ARSJ: variants seen among roughly 807,000 people sequenced by gnomAD.
The protein encoded by ARSJ is arylsulfatase family member J.
A neutral mutation model predicts 35.9 loss-of-function variants in ARSJ; 26 were observed. The observed-to-expected ratio is 0.72, with a 90% confidence interval of 0.53 to 1.00. The LOEUF is 1.00. Ranked by LOEUF, ARSJ falls within the 50% of genes least tolerant of loss-of-function variation. The probability of loss-of-function intolerance (pLI) is 0.00; values close to 1 mark genes in which losing one functional copy is unlikely to be tolerated. For synonymous variants in ARSJ, 294 were observed against 267.6 expected, an observed-to-expected ratio of 1.10 and a Z score of -0.96; for missense variants, 667 against 723.6, an observed-to-expected ratio of 0.92 and a Z score of 0.90.
chr4:113,965,663 T>G (rs1057209979), intron 1 of ARSJ, among the ~76,000 whole-genome samples: 1 of 152,142 alleles, frequency 6.6e-6, no homozygotes, highest in African/African-American at 2.4e-5. Context: ...GGTATATTTC[T>G]TAGCACATAC....
chr4:113,974,452 A>G (rs1178872327), intron 1 of ARSJ, among the ~76,000 whole-genome samples: 1 of 152,130 alleles, frequency 6.6e-6, no homozygotes, highest in East Asian at 1.9e-4. Context: ...GGAATAGAAT[A>G]TATAACTACC....
At chr4:113,953,090 C>G (rs772240441) in intron 1 of ARSJ, among the ~76,000 whole-genome samples, 9 of 151,960 alleles carry the variant, frequency 5.9e-5, no homozygotes, top group Non-Finnish European at 1.3e-4. Context: ...AAAAAGGAAA[C>G]TGAAGAACAG....
chr4:113,910,648 A>C (rs1179701638), intron 1 of ARSJ, among the ~76,000 whole-genome samples: 1 of 152,084 alleles, frequency 6.6e-6, no homozygotes. Flanking sequence ...TTTATCTTTC[A>C]GTTAATTATA....
At chr4:113,950,550 A>C (rs1276694209) in intron 1 of ARSJ, among the ~76,000 whole-genome samples, 2 of 152,030 alleles carry the variant, frequency 1.3e-5, no homozygotes, top group East Asian at 3.9e-4. Flanking sequence ...AGAGAGAAAG[A>C]GGGAAAAAGG....
chr4:113,902,753 A>T lies in ARSJ; in HGVS notation c.1321T>A (p.Trp441Arg). 2 of 1,614,200 alleles carry T rather than the reference A, an allele frequency of 1.2e-6. No homozygotes were observed. Among genetic ancestry groups the T allele is most frequent in the Non-Finnish European group, 1.7e-6 (2 of 1,180,034 alleles). Residue 441 changes from tryptophan to arginine, a missense_variant, in exon 2 of 2, where the codon TGG becomes AGG. Trp to Arg is a moderately radical substitution (Grantham distance 101, BLOSUM62 -3). Transcript: ENST00000315366. ...NGSWAAGYGIWNTAIQSAIRV... is the reference protein window; with the variant it reads ...NGSWAAGYGIRNTAIQSAIRV... ...ATGGCTGACTGGATTGCAGTGTTCC[A>T]GATCCCATAGCCTGCTGCCCAGGAG...
chr4:113,963,662 G>A (rs1239446946), intron 1 of ARSJ, among the ~76,000 whole-genome samples: 2 of 151,900 alleles, frequency 1.3e-5, no homozygotes, highest in Non-Finnish European at 2.9e-5. Context: ...ACCTGGCAAA[G>A]AGTAGGTTCT....
intron 1 of ARSJ, among the ~76,000 whole-genome samples, chr4:113,931,132 A>T (rs1011518132): frequency 3.9e-5 from 6 of 152,034 alleles, no homozygotes; most frequent in Admixed American, 6.6e-5. Flanking sequence ...ATATGTAACT[A>T]ACCTACACAA....
chr4:113,909,076 A>G (rs2099669649), intron 1 of ARSJ, among the ~76,000 whole-genome samples: 1 of 152,114 alleles, frequency 6.6e-6, no homozygotes, highest in Non-Finnish European at 1.5e-5. Flanking sequence ...AGGTAGATGG[A>G]TGAAATGTAT....
intron 1 of ARSJ, among the ~76,000 whole-genome samples, chr4:113,974,428 A>G (rs956088110): frequency 2.0e-5 from 3 of 152,132 alleles, no homozygotes; most frequent in Non-Finnish European, 2.9e-5. Context: ...CTTGCAATAC[A>G]AATATCTAAC....
Position 113,902,894 on chromosome 4 carries a change from C to T in ARSJ, c.1180G>A (p.Glu394Lys), listed in dbSNP as rs1303796707. ...LISLAEGQID[E>K]DIQLDGYDIW... ...TCATAGCCATCTAGTTGAATGTCCT[C>T]ATCAATCTGTCCTTCAGCCAGTGAA... is the stretch of plus-strand genomic sequence containing the variant. Residue 394 changes from glutamate (E) to lysine (K), a missense_variant, in exon 2 of 2, where the codon GAG (glutamate) becomes AAG (lysine). Transcript: ENST00000315366. 4 of 1,614,104 alleles carry T rather than the reference C, an allele frequency of 2.5e-6. No individual in the cohort carries two copies. The highest frequency in any genetic ancestry group is 3.4e-6 in the Non-Finnish European group (4 of 1,180,042).
intron 1 of ARSJ, among the ~76,000 whole-genome samples, chr4:113,971,386 C>T (rs561723396): frequency 4.4e-4 from 67 of 152,216 alleles, no homozygotes; most frequent in African/African-American, 1.6e-3. Flanking sequence ...ACAGCTATTT[C>T]GGAAACTCAA....
chr4:113,972,295 A>G (rs1366233295), intron 1 of ARSJ, among the ~76,000 whole-genome samples: 1 of 136,582 alleles, frequency 7.3e-6, no homozygotes, highest in Non-Finnish European at 1.6e-5. Flanking sequence ...ATGATCTGGA[A>G]AAAAAAAAAA....
intron 1 of ARSJ, among the ~76,000 whole-genome samples, chr4:113,928,776 G>T (rs751393332): frequency 7.9e-5 from 12 of 152,172 alleles, no homozygotes; most frequent in Non-Finnish European, 1.5e-4. Context: ...CTTCAAAGAT[G>T]CAGGTGCTTC....
At chr4:113,906,253 T>C (rs1313602551) in intron 1 of ARSJ, among the ~76,000 whole-genome samples, 1 of 152,214 alleles carries the variant, frequency 6.6e-6, no homozygotes, top group Non-Finnish European at 1.5e-5. Context: ...ATTCATCAAA[T>C]GGTAAACCAG....
At chr4:113,966,420 G>T (rs1726898305) in intron 1 of ARSJ, among the ~76,000 whole-genome samples, 1 of 152,128 alleles carries the variant, frequency 6.6e-6, no homozygotes, top group African/African-American at 2.4e-5. Flanking sequence ...AGTGGCTTGG[G>T]GAGGCATGGG....
intron 1 of ARSJ, among the ~76,000 whole-genome samples, chr4:113,951,825 G>C (rs1003070735): frequency 3.3e-5 from 5 of 151,972 alleles, no homozygotes; most frequent in African/African-American, 1.2e-4. Context: ...AGAGTTTGAG[G>C]GGACAGAACT....
At chr4:113,906,255 G>T (rs1227952291) in intron 1 of ARSJ, among the ~76,000 whole-genome samples, 2 of 152,154 alleles carry the variant, frequency 1.3e-5, no homozygotes, top group Non-Finnish European at 2.9e-5. Context: ...TCATCAAATG[G>T]TAAACCAGTT....
intron 1 of ARSJ, among the ~76,000 whole-genome samples, chr4:113,965,611 A>C (rs1337162500): frequency 2.0e-5 from 3 of 152,164 alleles, no homozygotes; most frequent in Admixed American, 1.3e-4. Context: ...ATTTTTAGAG[A>C]TAGATGTACT....
At chr4:113,964,723 G>C (rs1213303830) in intron 1 of ARSJ, among the ~76,000 whole-genome samples, 1 of 152,064 alleles carries the variant, frequency 6.6e-6, no homozygotes, top group African/African-American at 2.4e-5. Flanking sequence ...CTACCGCAGT[G>C]TTATTCAGTA....
Sources: allele counts gnomAD v4.1 joint callset (sites outside exome capture counted in the v4.1 genomes callset), GRCh38; gene constraint gnomAD v4.1.1; transcripts MANE v1.5; gene names NCBI Gene and HGNC (gene_info 2026-07-23, HGNC 2026-07-21).